The following ZNF516 variants were observed in gnomAD, a reference collection of about 807,000 sequenced individuals.
ZNF516 encodes zinc finger protein 516.
A neutral mutation model predicts 79.7 loss-of-function variants in ZNF516; 19 were observed. That is an observed-to-expected ratio of 0.24 (90% CI 0.17 to 0.35). ZNF516 has a LOEUF of 0.35. Ranked by LOEUF, ZNF516 falls within the 10% of genes least tolerant of loss-of-function variation. ZNF516 has a pLI of 1.00. For synonymous variants in ZNF516, 877 were observed against 739.5 expected, an observed-to-expected ratio of 1.19 and a Z score of -3.02; for missense variants, 1,678 against 1,679.5, an observed-to-expected ratio of 1.00 and a Z score of 0.02.
intron 2 of ZNF516, among the ~76,000 whole-genome samples, chr18:76,447,476 C>T (rs918382111): frequency 9.8e-5 from 15 of 152,328 alleles, no homozygotes; most frequent in African/African-American, 3.4e-4. Flanking sequence ...CTTTCTCAAA[C>T]GCACGCCAAA....
At chr18:76,477,213 C>G (rs1423278505) in intron 1 of ZNF516, among the ~76,000 whole-genome samples, 1 of 152,190 alleles carries the variant, frequency 6.6e-6, no homozygotes, top group Non-Finnish European at 1.5e-5. Context: ...GTTTTCTGAA[C>G]ACTGATACTG....
At chr18:76,469,679 T>C (rs904204734) in intron 1 of ZNF516, among the ~76,000 whole-genome samples, 1 of 152,218 alleles carries the variant, frequency 6.6e-6, no homozygotes, top group African/African-American at 2.4e-5. Context: ...TCATTTTCTA[T>C]TTTTATCTTC....
intron 3 of ZNF516, among the ~76,000 whole-genome samples, chr18:76,397,151 C>A (rs929126381): frequency 6.6e-6 from 1 of 152,134 alleles, no homozygotes. Flanking sequence ...GGCACCGAGT[C>A]GGGGAGACCC....
At position 76,379,918 on chromosome 18, in the gene ZNF516, C is replaced by T. The variant is rs895155460; in HGVS notation, c.2196G>A (p.Pro732=). 4 of 1,613,976 alleles carry T rather than the reference C, an allele frequency of 2.5e-6. No homozygotes were observed. Among genetic ancestry groups the T allele is most frequent in the South Asian group, 1.1e-5 (1 of 91,086 alleles). ...GCGTCGACCTCGCACTTAAATCTAG[C>T]GGCATGAGGTCTGGGGCCAGCGCCC... The part of the protein sequence containing the change: ...GKRALAPDLM[P]LDLSARSTRD... The change falls in exon 4 of 7, where the codon CCG becomes CCA. Residue 732 remains proline (P), a synonymous_variant. Coordinates refer to ENST00000443185, the MANE Select transcript of ZNF516 (RefSeq NM_014643.4).
At chr18:76,465,497 C>T (rs1167587762) in intron 1 of ZNF516, among the ~76,000 whole-genome samples, 1 of 152,226 alleles carries the variant, frequency 6.6e-6, no homozygotes, top group Non-Finnish European at 1.5e-5. Context: ...GGGAGAAATG[C>T]TCCAGGATGG....
At chr18:76,407,050 G>A (rs1235767636) in intron 3 of ZNF516, among the ~76,000 whole-genome samples, 1 of 152,194 alleles carries the variant, frequency 6.6e-6, no homozygotes, top group Non-Finnish European at 1.5e-5. Flanking sequence ...CACAGGCTGG[G>A]TGGACAGGTT....
intron 3 of ZNF516, among the ~76,000 whole-genome samples, chr18:76,402,430 G>A (rs2075242987): frequency 6.6e-6 from 1 of 151,644 alleles, no homozygotes; most frequent in South Asian, 2.1e-4. Context: ...CCAAGCTACA[G>A]GCGTCCCACA....
intron 3 of ZNF516, among the ~76,000 whole-genome samples, chr18:76,398,630 A>C (rs977805511): frequency 6.6e-6 from 1 of 150,392 alleles, no homozygotes; most frequent in Non-Finnish European, 1.5e-5. Flanking sequence ...GCCTTTCTGA[A>C]GGAATGGGGG....
intron 3 of ZNF516, among the ~76,000 whole-genome samples, chr18:76,437,067 AACACACACAC>A (rs370573337): frequency 1.8e-4 from 25 of 135,986 alleles, no homozygotes; most frequent in Admixed American, 4.4e-4. Flanking sequence ...ACCTGTCTAA[AACACACACAC>A]ACACACACAC....
chr18:76,423,178 G>A (rs768794467), intron 3 of ZNF516, among the ~76,000 whole-genome samples: 11 of 152,182 alleles, frequency 7.2e-5, no homozygotes, highest in Non-Finnish European at 1.0e-4. Flanking sequence ...CAAGGGAAGG[G>A]ATGCATATAT....
intron 2 of ZNF516, among the ~76,000 whole-genome samples, chr18:76,445,119 T>C (rs890691613): frequency 6.6e-6 from 1 of 152,010 alleles, no homozygotes; most frequent in Admixed American, 6.6e-5. Flanking sequence ...TAGCCAGGCA[T>C]GATGGTGTGC....
intron 3 of ZNF516, chr18:76,388,789 G>A (rs1260142309): frequency 6.6e-6 from 1 of 152,260 alleles, no homozygotes; most frequent in Non-Finnish European, 1.5e-5. Context: ...CATGGGCTCA[G>A]TGTGAGTTAC....
At chr18:76,476,525 T>C (rs9956471) in intron 1 of ZNF516, among the ~76,000 whole-genome samples, 152,384 of 152,384 alleles carry the variant, frequency 1, 76,192 homozygotes, top group Non-Finnish European at 1. Context: ...GGATTGGTCT[T>C]AGCTACTGGA....
At chr18:76,396,775 G>T (rs367711664) in intron 3 of ZNF516, among the ~76,000 whole-genome samples, 1 of 152,204 alleles carries the variant, frequency 6.6e-6, no homozygotes, top group African/African-American at 2.4e-5. Context: ...CCAAACTGTG[G>T]AGAAGAGAGG....
chr18:76,443,265 C>T, intron 2 of ZNF516, 54 bp from the exon 3 acceptor site: 1 of 698,238 alleles, frequency 1.4e-6, no homozygotes, highest in South Asian at 2.3e-5. Flanking sequence ...AGGGCACAGG[C>T]ATGGCTGCGG....
intron 3 of ZNF516, among the ~76,000 whole-genome samples, chr18:76,398,417 T>C (rs1164128809): frequency 6.6e-6 from 1 of 152,250 alleles, no homozygotes; most frequent in African/African-American, 2.4e-5. Flanking sequence ...AACACGAATC[T>C]TTCCTTGTAT....
intron 1 of ZNF516, among the ~76,000 whole-genome samples, chr18:76,491,266 G>GC (rs1568335570): frequency 6.4e-5 from 1 of 15,514 alleles, no homozygotes; most frequent in Non-Finnish European, 1.2e-4. Context: ...GACCGGACCC[G>GC]CCCCCCTCCC....
chr18:76,441,675 G>T lies in ZNF516; in HGVS notation c.1380C>A (p.Ser460Arg). 6.4e-7 allele frequency: 1 copy of T among 1,554,194 alleles called. No individual in the cohort carries two copies. The highest frequency in any genetic ancestry group is 8.7e-7 in the Non-Finnish European group (1 of 1,151,942). Residue 460 changes from serine (S) to arginine (R), a missense_variant, in exon 3 of 7, where the codon AGC becomes AGA. By Grantham distance (110) the Ser-to-Arg change is moderately radical. Coordinates refer to ENST00000443185, the MANE Select transcript of ZNF516 (RefSeq NM_014643.4). ...CCTGCTCACGCTTGCGCTTCTCCTG[G>T]CTCACCAGGACGTACTCGCGCCTGT... is the stretch of plus-strand genomic sequence containing the variant. ...DKDRREYVLV[S>R]QEKRKREQDA... is the part of the protein sequence containing the mutation.
At chr18:76,465,270 T>C (rs972702457) in intron 1 of ZNF516, among the ~76,000 whole-genome samples, 2 of 152,242 alleles carry the variant, frequency 1.3e-5, no homozygotes, top group Non-Finnish European at 2.9e-5. Context: ...GATGCTTTCC[T>C]GCCCCTGGAC....
Sources: gnomAD v4.1 joint callset for allele counts (sites outside exome capture counted in the v4.1 genomes callset) on GRCh38, gnomAD v4.1.1 for gene constraint, MANE v1.5 for transcripts, NCBI Gene and HGNC (gene_info 2026-07-23, HGNC 2026-07-21) for gene names.